The following BRD10 variants were observed in gnomAD, a reference collection of about 807,000 sequenced individuals.
BRD10 encodes the protein uncharacterized bromodomain-containing protein 10.
the BRD10 span, among the ~76,000 whole-genome samples, chr9:5,937,915 T>C: frequency 2.6e-5 from 4 of 152,314 alleles, no homozygotes; most frequent in South Asian, 8.3e-4. Flanking sequence ...TTACCAGTCA[T>C]ATATATCTGG....
chr9:5,942,934 G>A, the BRD10 span, among the ~76,000 whole-genome samples: 2 of 152,304 alleles, frequency 1.3e-5, no homozygotes, highest in Non-Finnish European at 2.9e-5. Context: ...ATGGAACGCA[G>A]TGGCATGATC....
chr9:5,914,092 A>T, the BRD10 span: 1 of 445,754 alleles, frequency 2.2e-6, no homozygotes, highest in Non-Finnish European at 4.5e-6. Context: ...TGATCACAAT[A>T]GACAAAGTTG....
the BRD10 span, among the ~76,000 whole-genome samples, chr9:5,936,391 G>T: frequency 6.6e-6 from 1 of 152,276 alleles, no homozygotes; most frequent in African/African-American, 2.4e-5. Context: ...AGTGTTTCAT[G>T]CTGTCAGTAA....
At chr9:5,985,263 G>C in the BRD10 span, among the ~76,000 whole-genome samples, 1 of 152,044 alleles carries the variant, frequency 6.6e-6, no homozygotes, top group African/African-American at 2.4e-5. Context: ...AACTTCAAAA[G>C]AATAAACATA....
chr9:5,970,981 G>A, the BRD10 span, among the ~76,000 whole-genome samples: 2 of 149,768 alleles, frequency 1.3e-5, no homozygotes, highest in African/African-American at 2.5e-5. Flanking sequence ...GAATCTGGGA[G>A]GCAGCGGTTA....
the BRD10 span, among the ~76,000 whole-genome samples, chr9:5,952,443 A>T: frequency 6.6e-6 from 1 of 152,198 alleles, no homozygotes; most frequent in African/African-American, 2.4e-5. Flanking sequence ...TTCACGAAAC[A>T]ATATATGTGA....
At chr9:6,007,292 C>T in the BRD10 span, 1 of 1,613,944 alleles carries the variant, frequency 6.2e-7, no homozygotes, top group Non-Finnish European at 8.5e-7. Flanking sequence ...TAGCACGTCT[C>T]CAGCATCAAC....
At chr9:5,882,918 C>T in the BRD10 span, among the ~76,000 whole-genome samples, 1 of 152,110 alleles carries the variant, frequency 6.6e-6, no homozygotes, top group African/African-American at 2.4e-5. Flanking sequence ...GACAAAAAAC[C>T]AAACACCGCG....
chr9:5,963,617 A>C, the BRD10 span, among the ~76,000 whole-genome samples: 2 of 152,100 alleles, frequency 1.3e-5, no homozygotes, highest in Admixed American at 6.5e-5. Context: ...AAGCCAAAAG[A>C]ACAAAGCTGG....
chr9:5,881,274 T>A, the BRD10 span, among the ~76,000 whole-genome samples: 1 of 152,180 alleles, frequency 6.6e-6, no homozygotes, highest in Non-Finnish European at 1.5e-5. Context: ...TCCTTATAAA[T>A]GGCCTCTCTC....
chr9:5,998,885 G>C, the BRD10 span, among the ~76,000 whole-genome samples: 1 of 151,884 alleles, frequency 6.6e-6, no homozygotes, highest in African/African-American at 2.4e-5. Flanking sequence ...GAATATAAAT[G>C]GTTCTCATAC....
At chr9:5,886,679 G>A in the BRD10 span, among the ~76,000 whole-genome samples, 14 of 152,188 alleles carry the variant, frequency 9.2e-5, no homozygotes, top group African/African-American at 2.9e-4. Context: ...GGCAGGTAGG[G>A]CCTGACTTGG....
chr9:5,999,535 T>C, the BRD10 span, among the ~76,000 whole-genome samples: 1 of 152,100 alleles, frequency 6.6e-6, no homozygotes, highest in Non-Finnish European at 1.5e-5. Context: ...TCCCTTGTAA[T>C]TCCCTAGCTT....
the BRD10 span, chr9:5,921,780 G>C: frequency 5.0e-6 from 8 of 1,613,968 alleles, no homozygotes; most frequent in Admixed American, 3.3e-5. Flanking sequence ...GATGGTAGTA[G>C]AGTACTAGAA....
the BRD10 span, among the ~76,000 whole-genome samples, chr9:5,947,293 T>A: frequency 1.1e-4 from 17 of 152,236 alleles, no homozygotes; most frequent in South Asian, 1.5e-3. Flanking sequence ...GGATTCTGCA[T>A]TTCTAACAAG....
the BRD10 span, chr9:5,920,292 G>C: frequency 5.6e-6 from 9 of 1,613,938 alleles, no homozygotes; most frequent in Non-Finnish European, 7.6e-6. Flanking sequence ...CCAAGACCTT[G>C]TGGTGGAACA....
At chr9:5,940,019 T>G in the BRD10 span, among the ~76,000 whole-genome samples, 1 of 152,224 alleles carries the variant, frequency 6.6e-6, no homozygotes, top group Non-Finnish European at 1.5e-5. Flanking sequence ...GTCTAGCTAA[T>G]GTACACCCTT....
the BRD10 span, among the ~76,000 whole-genome samples, chr9:5,935,977 G>C: frequency 3.3e-5 from 5 of 152,056 alleles, no homozygotes; most frequent in African/African-American, 1.2e-4. Flanking sequence ...TTGATGACTT[G>C]GGTCATCATT....
the BRD10 span, among the ~76,000 whole-genome samples, chr9:5,993,122 C>T: frequency 2.6e-5 from 4 of 151,902 alleles, no homozygotes; most frequent in Non-Finnish European, 5.9e-5. Flanking sequence ...TTGAGACCAG[C>T]CTGGCCAACA....
Sources: allele counts gnomAD v4.1 joint callset (sites outside exome capture counted in the v4.1 genomes callset), GRCh38; gene constraint gnomAD v4.1.1; transcripts MANE v1.5; gene names NCBI Gene and HGNC (gene_info 2026-07-23, HGNC 2026-07-21).